Variants in PRDM10 observed in about 807,000 individuals in gnomAD.
The protein encoded by PRDM10 is PR/SET domain 10.
PRDM10 carries 65 observed loss-of-function variants against 133.1 expected under a neutral mutation model. The observed-to-expected ratio is 0.49, with a 90% CI of 0.40 to 0.60. The LOEUF (loss-of-function observed/expected upper bound fraction) is 0.60, where lower values mean the gene tolerates loss of function less well. PRDM10 is among the 20% of genes least tolerant of loss of function. PRDM10 has a pLI of 0.00. For missense variants in PRDM10, 1,137 were observed against 1,507.1 expected, an observed-to-expected ratio of 0.75 and a Z score of 4.07; for synonymous variants, 582 against 580.4, an observed-to-expected ratio of 1.00 and a Z score of -0.04.
chr11:129,996,232 C>T (rs1939057905), intron 1 of PRDM10, among the ~76,000 whole-genome samples: 3 of 152,162 alleles, frequency 2.0e-5, no homozygotes, highest in Admixed American at 6.5e-5. Flanking sequence ...CCTGCAGGAC[C>T]TTCAGAGACA....
chr11:129,933,300 C>A (rs1461826754), intron 9 of PRDM10, among the ~76,000 whole-genome samples: 1 of 152,098 alleles, frequency 6.6e-6, no homozygotes, highest in African/African-American at 2.4e-5. Flanking sequence ...CACGATGAGC[C>A]CAATGTACCC....
chr11:129,937,534 T>C, intron 8 of PRDM10, 64 bp downstream of exon 8: 1 of 1,465,382 alleles, frequency 6.8e-7, no homozygotes, highest in Non-Finnish European at 9.3e-7. Flanking sequence ...AGAGGTTTCA[T>C]AAAGATGTGA....
At chr11:129,940,359 C>G (rs1951168018) in intron 7 of PRDM10, among the ~76,000 whole-genome samples, 1 of 152,090 alleles carries the variant, frequency 6.6e-6, no homozygotes, top group South Asian at 2.1e-4. Flanking sequence ...GATTAACATT[C>G]AATGATTAGA....
intron 11 of PRDM10, among the ~76,000 whole-genome samples, chr11:129,930,173 C>G (rs1950807791): frequency 6.6e-6 from 1 of 152,082 alleles, no homozygotes; most frequent in African/African-American, 2.4e-5. Flanking sequence ...AACGATCATG[C>G]ATGTAGAAAT....
chr11:129,960,818 G>A (rs917436627), intron 2 of PRDM10, 78 bp downstream of exon 2: 2 of 1,439,702 alleles, frequency 1.4e-6, no homozygotes, highest in Non-Finnish European at 2.0e-6. Context: ...CTAGATAGCA[G>A]CTGTATTTCT....
Position 129,945,603 on chromosome 11 carries a change from CT to C in PRDM10, c.521-592del. On this transcript the variant is annotated intron_variant, in intron 5 of 20. Coordinates refer to ENST00000360871, the MANE Select transcript of PRDM10 (RefSeq NM_199437.2). This position sits in a 1 kb window ranked among gnomAD's most constrained non-coding sequence, Gnocchi z 4.2. ...AATTTAGAATCCCTTCCTTCATTCA[CT>C]GGGATGACACAACATTTTCCGCCCA... Among the ~76,000 whole-genome samples the C allele has an allele frequency of 6.6e-6, 1 of 152,296 alleles. No homozygotes were observed. Among genetic ancestry groups the C allele is most frequent in the Middle Eastern group, 3.4e-3 (1 of 294 alleles).
At chr11:129,907,973 T>G (rs1056673003) in intron 19 of PRDM10, among the ~76,000 whole-genome samples, 3 of 151,294 alleles carry the variant, frequency 2.0e-5, no homozygotes, top group African/African-American at 7.3e-5. Context: ...TGGTGGTATG[T>G]GCCTGTAGTC....
chr11:129,922,817 C>T (rs1950555939), intron 13 of PRDM10, among the ~76,000 whole-genome samples: 1 of 152,178 alleles, frequency 6.6e-6, no homozygotes, highest in African/African-American at 2.4e-5. Context: ...TCTAAGCCTT[C>T]TCAGCATTCT....
chr11:129,945,137 T>G lies in PRDM10; in HGVS notation c.521-125A>C. On this transcript the variant is annotated intron_variant, in intron 5 of 20. Transcript: ENST00000360871. This position sits in a 1 kb window ranked among gnomAD's most constrained non-coding sequence, Gnocchi z 4.2. ...AAGCCAAAATTCAATGAACTCCTAA[T>G]GGCGCTACCCATTCAACGGTAATAC... 2 of 1,153,780 alleles carry G rather than the reference T, an allele frequency of 1.7e-6. No individual in the cohort carries two copies. Among genetic ancestry groups the G allele is most frequent in the Non-Finnish European group, 2.5e-6 (2 of 799,344 alleles). The allele number at this position is 1,153,780 out of a possible 1,614,324, so 71.5% of individuals were successfully genotyped here.
At chr11:129,952,675 C>T (rs58942267) in intron 4 of PRDM10, among the ~76,000 whole-genome samples, 6,051 of 152,002 alleles carry the variant, frequency 0.04, 372 homozygotes, top group African/African-American at 0.14. Flanking sequence ...TGCCACCATG[C>T]CTGGCTAATT....
At chr11:129,985,182 A>G (rs1378580114) in intron 1 of PRDM10, among the ~76,000 whole-genome samples, 2 of 151,956 alleles carry the variant, frequency 1.3e-5, no homozygotes, top group African/African-American at 4.8e-5. Context: ...ACTTCCCAAA[A>G]CCCTCTTAGG....
At chr11:129,903,477 T>G (rs542024414) in intron 20 of PRDM10, among the ~76,000 whole-genome samples, 55 of 152,320 alleles carry the variant, frequency 3.6e-4, no homozygotes, top group African/African-American at 1.3e-3. Flanking sequence ...CATTTAGCTT[T>G]ATGAAAACTT....
intron 4 of PRDM10, among the ~76,000 whole-genome samples, chr11:129,949,624 C>G (rs1951527116): frequency 6.6e-6 from 1 of 152,096 alleles, no homozygotes; most frequent in Non-Finnish European, 1.5e-5. Flanking sequence ...AAGAACTTAT[C>G]AAACTCTAAA....
chr11:129,932,231 T>G lies in PRDM10; in HGVS notation c.1158A>C (p.Arg386Ser). 1 of 1,613,994 alleles carries G rather than the reference T, an allele frequency of 6.2e-7. No individual in the cohort carries two copies. The highest frequency in any genetic ancestry group is 8.5e-7 in the Non-Finnish European group (1 of 1,179,902). ...SHDEKLDVFS[R>S]TRGRGRGRGK... ...CTCGTCCCCTTCCTCTGCCTCTTGTTCTGGGGACAAGAGATTGGGTTACAG... is the reference window on the plus strand; with the variant it reads ...CTCGTCCCCTTCCTCTGCCTCTTGTGCTGGGGACAAGAGATTGGGTTACAG... Residue 386 changes from arginine to serine, a missense_variant and splice_region_variant, in exon 10 of 21, where the codon AGA (arginine) becomes AGC (serine). By Grantham distance (110) the Arg-to-Ser change is moderately radical (BLOSUM62 -1). Transcript: ENST00000360871.
chr11:129,926,485 T>C (rs1222279650), intron 11 of PRDM10, among the ~76,000 whole-genome samples: 1 of 152,244 alleles, frequency 6.6e-6, no homozygotes, highest in Non-Finnish European at 1.5e-5. Flanking sequence ...GAGATCTTAG[T>C]GCGATCTTAA....
intron 1 of PRDM10, among the ~76,000 whole-genome samples, chr11:129,967,364 A>T (rs1460787013): frequency 6.6e-6 from 1 of 152,156 alleles, no homozygotes; most frequent in Admixed American, 6.5e-5. Context: ...GCACTCCAGC[A>T]TGGGTGACAG....
chr11:129,985,793 A>ATATAT (rs1938380637), intron 1 of PRDM10, among the ~76,000 whole-genome samples: 3 of 121,164 alleles, frequency 2.5e-5, no homozygotes, highest in African/African-American at 1.2e-4. Context: ...AAAAAAAAAA[A>ATATAT]AAAAAAAAAA....
intron 9 of PRDM10, among the ~76,000 whole-genome samples, chr11:129,932,634 A>C (rs1950907532): frequency 1.3e-5 from 2 of 152,220 alleles, no homozygotes; most frequent in South Asian, 4.1e-4. Flanking sequence ...CCTTCCAAGA[A>C]ATGTGGCCAA....
chr11:129,950,767 T>C lies in PRDM10; in HGVS notation c.295-3397A>G, dbSNP rs946861156. On this transcript the variant is annotated intron_variant, in intron 4 of 20. Transcript: ENST00000360871. ...ACCTCTACTCCTCATAAACTCGCTC[T>C]GCAGAGCCAACCTGAAAGAATGAAT... 3.3e-5 allele frequency among the ~76,000 whole-genome samples: 5 copies of C among 152,244 alleles called. No homozygotes were observed. In the East Asian group the frequency reaches 9.6e-4, roughly 29 times the overall value.
Sources: allele counts gnomAD v4.1 joint callset (sites outside exome capture counted in the v4.1 genomes callset), GRCh38; gene constraint gnomAD v4.1.1; non-coding constraint Gnocchi (gnomAD v3.1); transcripts MANE v1.5; gene names NCBI Gene and HGNC (gene_info 2026-07-23, HGNC 2026-07-21).